DMXL2: variants seen among roughly 807,000 people sequenced by gnomAD.
The protein encoded by DMXL2 is dmX-like protein 2.
Under a neutral mutation model 331.1 loss-of-function variants are expected in DMXL2, and 103 were observed. The observed-to-expected ratio is 0.31, with a 90% CI of 0.27 to 0.37. DMXL2 has a LOEUF of 0.37. Ranked by LOEUF, DMXL2 falls within the 10% of genes least tolerant of loss-of-function variation. The pLI, the probability that DMXL2 is intolerant of heterozygous loss-of-function variation, is 1.00. For synonymous variants in DMXL2, 1,281 were observed against 1,252.1 expected (o/e 1.02, Z -0.49); for missense variants, 3,171 against 3,642.9 (o/e 0.87, Z 3.33).
intron 9 of DMXL2, among the ~76,000 whole-genome samples, chr15:51,541,591 A>G (rs1192500560): frequency 3.3e-5 from 5 of 152,136 alleles, no homozygotes; most frequent in African/African-American, 9.7e-5. Context: ...TAAATACTGT[A>G]TTTACATACA....
At chr15:51,488,669 A>T in intron 20 of DMXL2, 24 bp from the exon 21 acceptor site, 2 of 1,560,410 alleles carry the variant, frequency 1.3e-6, no homozygotes, top group Non-Finnish European at 1.8e-6. Context: ...AAAATATTAA[A>T]TTCACAATTT....
intron 19 of DMXL2, among the ~76,000 whole-genome samples, chr15:51,494,197 G>C (rs573902537): frequency 1.3e-5 from 2 of 152,248 alleles, no homozygotes; most frequent in South Asian, 4.1e-4. Flanking sequence ...ACAAAGGATT[G>C]GGCAGATGAA....
At chr15:51,464,956 C>CA in intron 31 of DMXL2, 80 bp from the exon 32 acceptor site, 1 of 1,222,966 alleles carries the variant, frequency 8.2e-7, no homozygotes, top group Non-Finnish European at 1.2e-6. Context: ...TCTGAATTCT[C>CA]AGAGATAATA....
chr15:51,564,212 G>A lies in DMXL2; in HGVS notation c.413C>T (p.Pro138Leu). The A allele has an allele frequency of 3.1e-6, 5 of 1,608,528 alleles. No homozygotes were observed. Among genetic ancestry groups the A allele is most frequent in the East Asian group, 2.2e-5 (1 of 44,582 alleles). ...ATDSIQLWAP[P>L]GDDILEEEEE... ...CTCCTCTTCCAGAATATCATCTCCT[G>A]GAGGAGCCCACAACTGAATAGAATC... is the stretch of plus-strand genomic sequence containing the variant. Residue 138 changes from proline (P) to leucine (L), a missense_variant, in exon 5 of 44, where the codon CCA (proline) becomes CTA (leucine). Physicochemically the swap from Pro to Leu is moderately conservative, Grantham distance 98. Around this residue, in one of 7 missense-constraint regions of DMXL2, gnomAD observed 1,674 missense variants for 1,780.2 expected, o/e 0.94. Coordinates refer to ENST00000560891, the MANE Select transcript of DMXL2 (RefSeq NM_001378457.1).
chr15:51,470,971 A>G (rs761234414), intron 29 of DMXL2, among the ~76,000 whole-genome samples: 20 of 152,168 alleles, frequency 1.3e-4, no homozygotes, highest in Non-Finnish European at 2.2e-4. Flanking sequence ...GATGGTGCTG[A>G]TTATGTAATA....
chr15:51,473,060 C>T lies in DMXL2; in HGVS notation c.7213+1284G>A, dbSNP rs527883698. Reference sequence around the variant, plus strand: ...TTGGAAAAGGCCAAACTCAATTCTACCTCAGGACCTTTGCATTCATCTGCC... The same window carrying T: ...TTGGAAAAGGCCAAACTCAATTCTATCTCAGGACCTTTGCATTCATCTGCC... On this transcript the variant is annotated intron_variant, in intron 28 of 43. Transcript: ENST00000560891. 2.0e-3 allele frequency among the ~76,000 whole-genome samples: 302 copies of T among 152,300 alleles called. 2 individuals are homozygous for T. Among genetic ancestry groups the T allele is most frequent in the Non-Finnish European group, 5.7e-4 (39 of 68,026 alleles).
At chr15:51,510,517 C>T (rs2046692238) in intron 15 of DMXL2, among the ~76,000 whole-genome samples, 1 of 152,072 alleles carries the variant, frequency 6.6e-6, no homozygotes, top group Non-Finnish European at 1.5e-5. Flanking sequence ...AGGAGAACTG[C>T]AAACCACTGC....
chr15:51,528,474 T>C (rs570740434), intron 13 of DMXL2, among the ~76,000 whole-genome samples: 1 of 152,234 alleles, frequency 6.6e-6, no homozygotes, highest in East Asian at 1.9e-4. Context: ...TATTTTCTGA[T>C]ACTATGTATC....
intron 33 of DMXL2, chr15:51,460,032 T>G: frequency 1.0e-6 from 1 of 975,138 alleles, no homozygotes; most frequent in Non-Finnish European, 1.2e-6. Context: ...AGGGGTTGAT[T>G]TAAAATACAA....
chr15:51,620,332 A>G (rs948913318), intron 1 of DMXL2, among the ~76,000 whole-genome samples: 2 of 152,242 alleles, frequency 1.3e-5, no homozygotes, highest in Admixed American at 6.5e-5. Flanking sequence ...GACCAAAATA[A>G]CAGTGTCACA....
At chr15:51,594,314 G>A (rs538018932) in intron 1 of DMXL2, among the ~76,000 whole-genome samples, 1 of 152,296 alleles carries the variant, frequency 6.6e-6, no homozygotes, top group Admixed American at 6.5e-5. Context: ...AGAAAATCTA[G>A]AAGAAATGGA....
At chr15:51,468,852 A>G (rs556517694) in intron 29 of DMXL2, among the ~76,000 whole-genome samples, 4 of 152,336 alleles carry the variant, frequency 2.6e-5, no homozygotes, top group Admixed American at 2.6e-4. Flanking sequence ...ACTTGACAAG[A>G]TTCAGAGGAA....
intron 13 of DMXL2, among the ~76,000 whole-genome samples, chr15:51,526,298 C>A (rs1213030423): frequency 6.6e-6 from 1 of 152,124 alleles, no homozygotes; most frequent in Non-Finnish European, 1.5e-5. Flanking sequence ...TTGTCCAAGA[C>A]CATCAAGGCA....
rs375484629 is a variant in DMXL2, at chr15:51,491,600, G to A, written c.4931C>T (p.Thr1644Met). Reference sequence around the variant, plus strand: ...TACCTTTTCAATGCATCTTCGAAGCGTGTTAATGTTCCTCACCCACCATCC... The same window carrying A: ...TACCTTTTCAATGCATCTTCGAAGCATGTTAATGTTCCTCACCCACCATCC... ...GIGWWVRNINTLRRCIEKVAK... is the reference protein window; with the variant it reads ...GIGWWVRNINMLRRCIEKVAK... The change falls in exon 20 of 44, where the codon ACG (threonine) becomes ATG (methionine). Residue 1644 changes from threonine (T) to methionine (M), a missense_variant. Thr to Met is a moderately conservative substitution (Grantham distance 81). Transcript: ENST00000560891. 1.2e-4 allele frequency: 194 copies of A among 1,607,850 alleles called. No homozygotes were observed. The highest frequency in any genetic ancestry group is 1.4e-4 in the Non-Finnish European group (161 of 1,178,404).
intron 23 of DMXL2, 94 bp downstream of exon 23, chr15:51,485,978 TC>T: frequency 7.6e-7 from 1 of 1,318,270 alleles, no homozygotes; most frequent in Non-Finnish European, 1.0e-6. Flanking sequence ...GAAAAGCAAA[TC>T]TGGTAATGAT....
chr15:51,451,550 C>T (rs1336038195), intron 42 of DMXL2, 95 bp downstream of exon 42: 5 of 963,812 alleles, frequency 5.2e-6, no homozygotes, highest in East Asian at 5.1e-5. Flanking sequence ...TCAATAAACA[C>T]TCACTGGATT....
At position 51,470,794 on chromosome 15, in the gene DMXL2, C is replaced by T. The variant is rs562609662; in HGVS notation, c.7392+429G>A. Among the ~76,000 whole-genome samples, 31 of 152,228 alleles carry T rather than the reference C, an allele frequency of 2.0e-4. 1 individual carries two copies. The highest frequency in any genetic ancestry group is 1.0e-3 in the South Asian group (5 of 4,822). ...CTGATCCCCTGAGAAGTTTCCTTTG[C>T]GCTGGGAAAACAGAGATGTATCATG... On this transcript the variant is annotated intron_variant, in intron 29 of 43. Transcript: ENST00000560891.
chr15:51,515,477 G>C (rs2046983389), intron 14 of DMXL2, among the ~76,000 whole-genome samples: 1 of 152,086 alleles, frequency 6.6e-6, no homozygotes, highest in Non-Finnish European at 1.5e-5. Context: ...AAGTTATAGG[G>C]TATTTTGTGT....
chr15:51,591,273 C>A (rs1253404710), intron 1 of DMXL2, among the ~76,000 whole-genome samples: 1 of 152,244 alleles, frequency 6.6e-6, no homozygotes, highest in African/African-American at 2.4e-5. Flanking sequence ...AAACAGCACA[C>A]CAGGAGATTA....
Sources: gnomAD v4.1 joint callset for allele counts (sites outside exome capture counted in the v4.1 genomes callset) on GRCh38, gnomAD v4.1.1 for gene constraint, gnomAD v4.1.1 regional missense constraint, MANE v1.5 for transcripts, NCBI Gene and HGNC (gene_info 2026-07-23, HGNC 2026-07-21) for gene names.